Variants in PCSK5 observed in about 807,000 individuals in gnomAD.
PCSK5 encodes proprotein convertase subtilisin/kexin type 5.
PCSK5 carries 129 observed loss-of-function variants against 233.2 expected under a neutral mutation model. The observed-to-expected ratio is 0.55, with a 90% CI of 0.48 to 0.64. The LOEUF is 0.64. PCSK5 is among the 30% of genes least tolerant of loss of function. The pLI is 0.00. For missense variants in PCSK5, 2,076 were observed against 2,430.1 expected (o/e 0.85, Z 3.06); for synonymous variants, 825 against 879.2 (o/e 0.94, Z 1.09).
In PCSK5 at chr9:76,001,370, G is replaced by A. The variant is rs934063961; in HGVS notation, c.411+15125G>A. On this transcript the variant is annotated intron_variant, in intron 3 of 37. Transcript: ENST00000674117. Reference sequence around the variant, plus strand: ...CTAAGTATTTTGAAATGACTCTCATGCTGCCCAGAATCTTCTCAAGATGAG... The same window carrying A: ...CTAAGTATTTTGAAATGACTCTCATACTGCCCAGAATCTTCTCAAGATGAG... 2.0e-5 allele frequency among the ~76,000 whole-genome samples: 3 copies of A among 151,128 alleles called. No individual in the cohort carries two copies. In the East Asian group the frequency reaches 5.8e-4, roughly 29 times the overall value.
Position 76,184,751 on chromosome 9 carries a change from G to A in PCSK5, c.2276G>A (p.Gly759Glu), listed in dbSNP as rs555029666. The change falls in exon 17 of 38, where the codon GGG becomes GAG. Residue 759 changes from glycine to glutamate, a missense_variant. Transcript: ENST00000674117. ...EFHNCTECRD[G>E]LSLQGSRCSV... ...CATAACTGTACAGAATGTAGGGATGGGTTAAGGTAAGAGAGTGAAGGATTT... is the reference window on the plus strand; with the variant it reads ...CATAACTGTACAGAATGTAGGGATGAGTTAAGGTAAGAGAGTGAAGGATTT... The A allele has an allele frequency of 1.9e-6, 3 of 1,593,730 alleles. No individual in the cohort carries two copies. The highest frequency in any genetic ancestry group is 2.6e-6 in the Non-Finnish European group (3 of 1,162,974).
At chr9:75,983,854 T>G (rs1563954915) in intron 2 of PCSK5, among the ~76,000 whole-genome samples, 1 of 152,186 alleles carries the variant, frequency 6.6e-6, no homozygotes, top group Non-Finnish European at 1.5e-5. Flanking sequence ...AGCTTAAAAA[T>G]ATAAATATGG....
At chr9:76,350,691 T>A in intron 35 of PCSK5, 137 bp from the exon 36 acceptor site, 1 of 607,960 alleles carries the variant, frequency 1.6e-6, no homozygotes. Context: ...GAGACTTTTT[T>A]CTTTTTCGTA....
intron 3 of PCSK5, among the ~76,000 whole-genome samples, chr9:75,999,468 T>A (rs1189357650): frequency 2.0e-5 from 3 of 152,240 alleles, no homozygotes; most frequent in Non-Finnish European, 4.4e-5. Context: ...TTTCTATAGA[T>A]ATTAAATTAA....
In PCSK5 at chr9:76,023,811, G is replaced by A. The variant is rs1238436012; in HGVS notation, c.485G>A (p.Gly162Glu). The A allele has an allele frequency of 6.2e-7, 1 of 1,613,592 alleles. No homozygotes were observed. The highest frequency in any genetic ancestry group is 2.2e-5 in the East Asian group (1 of 44,864). Reference protein sequence around the residue: ...IEGAWKRGYTGKNIVVTILDD... With the variant: ...IEGAWKRGYTEKNIVVTILDD... ...GGAGCCTGGAAGAGAGGCTACACGG[G>A]AAAGAACATTGTGGTCACTATCCTG... is the stretch of plus-strand genomic sequence containing the variant. The change falls in exon 4 of 38, where the codon GGA (glycine) becomes GAA (glutamate). Residue 162 changes from glycine (G) to glutamate (E), a missense_variant. By Grantham distance (98) the Gly-to-Glu change is moderately conservative. Around this residue, in one of 6 missense-constraint regions of PCSK5, gnomAD observed 190 missense variants for 216.3 expected, o/e 0.88. Coordinates refer to ENST00000674117, the MANE Select transcript of PCSK5 (RefSeq NM_001372043.1).
At chr9:75,929,030 G>A (rs1823652294) in intron 1 of PCSK5, among the ~76,000 whole-genome samples, 1 of 152,112 alleles carries the variant, frequency 6.6e-6, no homozygotes, top group African/African-American at 2.4e-5. Context: ...CCGCCTCCCT[G>A]GTTTAAGCAA....
chr9:75,979,344 G>T (rs928243209), intron 2 of PCSK5, among the ~76,000 whole-genome samples: 1 of 152,076 alleles, frequency 6.6e-6, no homozygotes, highest in African/African-American at 2.4e-5. Context: ...TTTGCCTAGG[G>T]CCTCATGCTT....
intron 3 of PCSK5, among the ~76,000 whole-genome samples, chr9:76,000,455 T>G (rs6560483): frequency 0.41 from 62,012 of 151,930 alleles, 13,061 homozygotes; most frequent in Non-Finnish European, 0.46. Flanking sequence ...TCCTTATAAG[T>G]GTTCATTGAG....
chr9:76,005,182 T>A (rs112689681), intron 3 of PCSK5, among the ~76,000 whole-genome samples: 5 of 152,226 alleles, frequency 3.3e-5, no homozygotes, highest in Non-Finnish European at 7.3e-5. Context: ...CACAAACTTA[T>A]GTACAATTTA....
chr9:76,355,898 T>A (rs189511513), intron 37 of PCSK5, among the ~76,000 whole-genome samples: 4 of 152,200 alleles, frequency 2.6e-5, no homozygotes, highest in Admixed American at 2.0e-4. Context: ...CAGAAGGGGT[T>A]TCACCATGTT....
intron 10 of PCSK5, among the ~76,000 whole-genome samples, chr9:76,150,639 A>C (rs1268997990): frequency 6.6e-6 from 1 of 152,180 alleles, no homozygotes; most frequent in African/African-American, 2.4e-5. Flanking sequence ...ATCTCTAAAT[A>C]AATAAATAAT....
At chr9:76,180,087 G>GTATATATATATA (rs1554701013) in intron 15 of PCSK5, among the ~76,000 whole-genome samples, 1 of 132,598 alleles carries the variant, frequency 7.5e-6, no homozygotes, top group African/African-American at 2.9e-5. Context: ...GTGTGTGTGT[G>GTATATATATATA]TATATATATA....
chr9:75,924,997 A>G lies in PCSK5; in HGVS notation c.193-7382A>G, dbSNP rs530295945. On this transcript the variant is annotated intron_variant, in intron 1 of 37. Coordinates refer to ENST00000674117, the MANE Select transcript of PCSK5 (RefSeq NM_001372043.1). ...ACTGTTGTGAGGCGGCAGTGAAGTA[A>G]TGGCTGGCTTGTACTCCATAAATAT... is the stretch of plus-strand genomic sequence containing the variant. Among the ~76,000 whole-genome samples the G allele has an allele frequency of 6.6e-5, 10 of 152,278 alleles. No individual in the cohort carries two copies. In the South Asian group the frequency reaches 1.9e-3, roughly 28 times the overall value.
chr9:76,084,089 C>A (rs1289387084), intron 7 of PCSK5, among the ~76,000 whole-genome samples: 1 of 152,136 alleles, frequency 6.6e-6, no homozygotes, highest in Non-Finnish European at 1.5e-5. Context: ...AGAAATTCTC[C>A]CTCAAGATTT....
chr9:76,341,049 T>C (rs1242008089), intron 35 of PCSK5, among the ~76,000 whole-genome samples: 1 of 119,050 alleles, frequency 8.4e-6, no homozygotes, highest in African/African-American at 3.0e-5. Context: ...ATCCTGTTTC[T>C]ACAGAAAAAA....
chr9:76,244,775 G>A (rs565292706), intron 24 of PCSK5, among the ~76,000 whole-genome samples: 7 of 152,144 alleles, frequency 4.6e-5, no homozygotes, highest in South Asian at 4.1e-4. Context: ...TGATTGTTTC[G>A]TCTGGAAGAA....
At chr9:75,978,951 C>T (rs2131378497) in intron 2 of PCSK5, among the ~76,000 whole-genome samples, 1 of 151,014 alleles carries the variant, frequency 6.6e-6, no homozygotes, top group East Asian at 2.0e-4. Flanking sequence ...TGGCTCACCG[C>T]AACCTCCACC....
chr9:76,202,566 A>G (rs1824957514), intron 20 of PCSK5, among the ~76,000 whole-genome samples: 1 of 152,088 alleles, frequency 6.6e-6, no homozygotes, highest in Non-Finnish European at 1.5e-5. Flanking sequence ...TTCTTCCCCA[A>G]GTATTTTCCT....
chr9:76,034,057 A>T (rs1828753540), intron 5 of PCSK5, among the ~76,000 whole-genome samples: 1 of 152,208 alleles, frequency 6.6e-6, no homozygotes, highest in South Asian at 2.1e-4. Flanking sequence ...ATTACACTGA[A>T]GTAAGTAACA....
Sources: gnomAD v4.1 joint callset for allele counts (sites outside exome capture counted in the v4.1 genomes callset) on GRCh38, gnomAD v4.1.1 for gene constraint, gnomAD v4.1.1 regional missense constraint, MANE v1.5 for transcripts, NCBI Gene and HGNC (gene_info 2026-07-23, HGNC 2026-07-21) for gene names.